The following HMX3 variants were observed in gnomAD, a reference collection of about 807,000 sequenced individuals.
HMX3 encodes the protein H6 family homeobox 3, also known as homeobox protein HMX3.
A neutral mutation model predicts 22.8 loss-of-function variants in HMX3; 8 were observed. The ratio of observed to expected loss-of-function variants is 0.35; its 90% CI spans 0.21 to 0.63. HMX3 has a LOEUF of 0.63. Ranked by LOEUF, HMX3 falls within the 30% of genes least tolerant of loss-of-function variation. HMX3 has a pLI of 0.72. For missense variants in HMX3, 527 were observed against 520.6 expected, an observed-to-expected ratio of 1.01 and a Z score of -0.12; for synonymous variants, 331 against 250.9, an observed-to-expected ratio of 1.32 and a Z score of -3.02.
chr10:123,136,940 C>T lies in HMX3; in HGVS notation c.401-118C>T. The stretch of plus-strand genomic sequence containing the variant: ...GAGGCAGCCCGCGGGAATGGTGAGG[C>T]CTCATGGCCTGGGACCTGGAGGCCG... On this transcript the variant is annotated intron_variant, in intron 1 of 1. Coordinates refer to ENST00000357878, the MANE Select transcript of HMX3 (RefSeq NM_001105574.2). The surrounding 1 kb of genome is among the most constrained non-coding windows in gnomAD (Gnocchi z 4.8). The T allele has an allele frequency of 8.3e-7, 1 of 1,206,000 alleles. No homozygotes were observed. The allele number at this position is 1,206,000 out of a possible 1,614,324, so 74.7% of individuals were successfully genotyped here.
Position 123,138,673 on chromosome 10 carries a change from T to C in HMX3, c.*942T>C, listed in dbSNP as rs750238512. On this transcript the variant is annotated 3_prime_UTR_variant, in exon 2 of 2. Transcript: ENST00000357878. ...TTGCAATTAGCCTCTTCATCGGTCT[T>C]ACTTTGTGATGGAAGAATTCTCTAA... 6.6e-6 allele frequency among the ~76,000 whole-genome samples: 1 copy of C among 152,184 alleles called. No homozygotes were observed. The highest frequency in any genetic ancestry group is 1.5e-5 in the Non-Finnish European group (1 of 68,034).
Position 123,136,293 on chromosome 10 carries a change from G to A in HMX3, c.243G>A (p.Ala81=), listed in dbSNP as rs1044595063. The A allele has an allele frequency of 2.8e-5, 43 of 1,521,516 alleles. No individual in the cohort carries two copies. Among genetic ancestry groups the A allele is most frequent in the Non-Finnish European group, 3.6e-5 (41 of 1,134,572 alleles). 94.3% of individuals were successfully genotyped at this position (1,521,516 alleles called of 1,614,324 possible). A position where few individuals can be genotyped will look rare whatever the true frequency, so the allele number is the denominator to read the frequency against. ...CCAAGGGGGCCCTGGAGGGCGCCGC[G>A]GGCTTCGCGCTCTCGCAGGTGGGCG... ...AAAKGALEGA[A]GFALSQVGDL... The change falls in exon 1 of 2, where the codon GCG becomes GCA. Residue 81 remains alanine, a synonymous_variant. Transcript: ENST00000357878. This position sits in a 1 kb window ranked among gnomAD's most constrained non-coding sequence, Gnocchi z 4.8.
Position 123,135,989 on chromosome 10 carries a change from G to A in HMX3, c.-62G>A. 1 of 1,298,454 alleles carries A rather than the reference G, an allele frequency of 7.7e-7. No individual in the cohort carries two copies. The highest frequency in any genetic ancestry group is 9.8e-7 in the Non-Finnish European group (1 of 1,018,660). 80.4% of individuals were successfully genotyped at this position (1,298,454 alleles called of 1,614,324 possible). A position where few individuals can be genotyped will look rare whatever the true frequency, so the allele number is the denominator to read the frequency against. On this transcript the variant is annotated 5_prime_UTR_variant, in exon 1 of 2. Coordinates refer to ENST00000357878, the MANE Select transcript of HMX3 (RefSeq NM_001105574.2). ...TGGTCTGATTTCCGGCCTCTCGCCT[G>A]CTCGCCCCGCCGCCCGCCTGTCCCG...
rs1295596204 is a variant in HMX3 at position 123,138,163 on chromosome 10, C to CTTTT, written c.*432_*433insTTTT. ...TCTTTTCTGCTTTTTTTTTTTTTTC[C>CTTTT]GAGACGGAATCTTGCTCTATCTATT... is the stretch of plus-strand genomic sequence containing the variant. On this transcript the variant is annotated 3_prime_UTR_variant, in exon 2 of 2. Coordinates refer to ENST00000357878, the MANE Select transcript of HMX3 (RefSeq NM_001105574.2). Among the ~76,000 whole-genome samples, 41 of 37,614 alleles carry CTTTT rather than the reference C, an allele frequency of 1.1e-3. No homozygotes were observed. The highest frequency in any genetic ancestry group is 1.5e-3 in the East Asian group (4 of 2,616). 24.7% of individuals were successfully genotyped at this position (37,614 alleles called of 152,430 possible).
At position 123,137,692 on chromosome 10, in the gene HMX3, C is replaced by T; in HGVS notation, c.1035C>T (p.His345=). 1 of 1,470,816 alleles carries T rather than the reference C, an allele frequency of 6.8e-7. No homozygotes were observed. The highest frequency in any genetic ancestry group is 8.9e-7 in the Non-Finnish European group (1 of 1,118,484). 91.1% of individuals were successfully genotyped at this position (1,470,816 alleles called of 1,614,324 possible). ...TCCCGCACCCCGTCTACTACTCGCA[C>T]CCGGTGGTCTCTTCCGTGCCGCTGC... is the stretch of plus-strand genomic sequence containing the variant. ...LTFPHPVYYS[H]PVVSSVPLLR... Residue 345 remains histidine (H), a synonymous_variant, in exon 2 of 2, where the codon CAC becomes CAT. Coordinates refer to ENST00000357878, the MANE Select transcript of HMX3 (RefSeq NM_001105574.2). This position sits in a 1 kb window ranked among gnomAD's most constrained non-coding sequence, Gnocchi z 5.8.
At position 123,138,340 on chromosome 10, in the gene HMX3, C is replaced by A. The variant is rs894297377; in HGVS notation, c.*609C>A. On this transcript the variant is annotated 3_prime_UTR_variant, in exon 2 of 2. Transcript: ENST00000357878. Reference sequence around the variant, plus strand: ...AATTTTTGTATTTTTAGTAGAGACGCGGTTTCACCATGTTGGCCAGGCTGG... The same window carrying A: ...AATTTTTGTATTTTTAGTAGAGACGAGGTTTCACCATGTTGGCCAGGCTGG... Among the ~76,000 whole-genome samples, 1 of 151,676 alleles carries A rather than the reference C, an allele frequency of 6.6e-6. No individual in the cohort carries two copies. Among genetic ancestry groups the A allele is most frequent in the Non-Finnish European group, 1.5e-5 (1 of 67,882 alleles).
chr10:123,136,580 C>T lies in HMX3; in HGVS notation c.400+130C>T, dbSNP rs568300955. The T allele has an allele frequency of 1.1e-3, 736 of 645,862 alleles. 3 individuals carry two copies. The African/African-American group carries it at 0.013, about 11-fold the overall frequency. The allele number at this position is 645,862 out of a possible 1,614,324, so 40.0% of individuals were successfully genotyped here. A position where few individuals can be genotyped will look rare whatever the true frequency, so the allele number is the denominator to read the frequency against. ...CTCTGCTCGGTCAGTTTTTTTCGGC[C>T]CCTAGCCTGCCCTCGCGCTGGGTTG... On this transcript the variant is annotated intron_variant, in intron 1 of 1. Transcript: ENST00000357878. The surrounding 1 kb of genome is among the most constrained non-coding windows in gnomAD (Gnocchi z 4.8).
rs1397919521 is a variant in HMX3, at chr10:123,137,037, TC to T, written c.401-19del. 1.9e-6 allele frequency: 3 copies of T among 1,586,216 alleles called. No homozygotes were observed. In the African/African-American group the frequency reaches 4.1e-5, roughly 22 times the overall value. On this transcript the variant is annotated intron_variant, in intron 1 of 1. Coordinates refer to ENST00000357878, the MANE Select transcript of HMX3 (RefSeq NM_001105574.2). This position sits in a 1 kb window ranked among gnomAD's most constrained non-coding sequence, Gnocchi z 5.8. ...CTGTGTCGGTGTGCATGTGTGTGCG[TC>T]CGTCTGTCTGTCTCCCCAGCCTCGG...
rs1005978566 is a variant in HMX3 at position 123,138,357 on chromosome 10, C to A, written c.*626C>A. 1.3e-5 allele frequency among the ~76,000 whole-genome samples: 2 copies of A among 152,036 alleles called. No homozygotes were observed. Among genetic ancestry groups the A allele is most frequent in the Non-Finnish European group, 2.9e-5 (2 of 67,990 alleles). ...TAGAGACGCGGTTTCACCATGTTGG[C>A]CAGGCTGGTCTTGAGCTCCTGACCT... is the stretch of plus-strand genomic sequence containing the variant. On this transcript the variant is annotated 3_prime_UTR_variant, in exon 2 of 2. Coordinates refer to ENST00000357878, the MANE Select transcript of HMX3 (RefSeq NM_001105574.2).
chr10:123,136,389 C>T lies in HMX3; in HGVS notation c.339C>T (p.Ser113=). 6.4e-7 allele frequency: 1 copy of T among 1,561,508 alleles called. No individual in the cohort carries two copies. The highest frequency in any genetic ancestry group is 8.7e-7 in the Non-Finnish European group (1 of 1,154,508). The change falls in exon 1 of 2, where the codon TCC becomes TCT. Residue 113 remains serine (S), a synonymous_variant. Coordinates refer to ENST00000357878, the MANE Select transcript of HMX3 (RefSeq NM_001105574.2). This position sits in a 1 kb window ranked among gnomAD's most constrained non-coding sequence, Gnocchi z 4.8. ...TGCCCGCGCACTACCTGGAGCGCTC[C>T]CCAGCCTGGTGGTACCCCTACACCC... The part of the protein sequence containing the change: ...FALPAHYLER[S]PAWWYPYTLT...
Position 123,136,077 on chromosome 10 carries a change from C to A in HMX3, c.27C>A (p.Ala9=). 7.1e-7 allele frequency: 1 copy of A among 1,401,078 alleles called. No individual in the cohort carries two copies. The highest frequency in any genetic ancestry group is 9.3e-7 in the Non-Finnish European group (1 of 1,076,156). The allele number at this position is 1,401,078 out of a possible 1,614,324, so 86.8% of individuals were successfully genotyped here. The change falls in exon 1 of 2, where the codon GCC becomes GCA. Residue 9 remains alanine, a synonymous_variant. Coordinates refer to ENST00000357878, the MANE Select transcript of HMX3 (RefSeq NM_001105574.2). This position sits in a 1 kb window ranked among gnomAD's most constrained non-coding sequence, Gnocchi z 4.8. The part of the protein sequence containing the change: MPEPGPDA[A]GTASAQPQPP... Reference sequence around the variant, plus strand: ...TGCCGGAACCCGGGCCGGACGCTGCCGGCACCGCCAGCGCACAGCCCCAAC... The same window carrying A: ...TGCCGGAACCCGGGCCGGACGCTGCAGGCACCGCCAGCGCACAGCCCCAAC...
rs1844079739 is a variant in HMX3 at position 123,136,692 on chromosome 10, G to A, written c.400+242G>A. Among the ~76,000 whole-genome samples the A allele has an allele frequency of 6.6e-6, 1 of 152,198 alleles. No homozygotes were observed. The highest frequency in any genetic ancestry group is 2.4e-5 in the African/African-American group (1 of 41,452). ...GGTGCTTCCCGGGAAAAGTGGCCTC[G>A]GGCGTGAATAGGGAGGCTTCGGACG... On this transcript the variant is annotated intron_variant, in intron 1 of 1. Transcript: ENST00000357878. The surrounding 1 kb of genome is among the most constrained non-coding windows in gnomAD (Gnocchi z 4.8).
rs1844078142 is a variant in HMX3, at chr10:123,136,575, T to A, written c.400+125T>A. ...AAACCCTCTGCTCGGTCAGTTTTTT[T>A]CGGCCCCTAGCCTGCCCTCGCGCTG... is the stretch of plus-strand genomic sequence containing the variant. On this transcript the variant is annotated intron_variant, in intron 1 of 1. Coordinates refer to ENST00000357878, the MANE Select transcript of HMX3 (RefSeq NM_001105574.2). This position sits in a 1 kb window ranked among gnomAD's most constrained non-coding sequence, Gnocchi z 4.8. The A allele has an allele frequency of 4.0e-6, 3 of 743,244 alleles. No individual in the cohort carries two copies. In the African/African-American group the frequency reaches 5.5e-5, roughly 14 times the overall value. The allele number at this position is 743,244 out of a possible 1,614,324, so 46.0% of individuals were successfully genotyped here.
chr10:123,136,351 C>A lies in HMX3; in HGVS notation c.301C>A (p.Gln101Lys). The change falls in exon 1 of 2, where the codon CAG becomes AAG. Residue 101 changes from glutamine to lysine, a missense_variant. Physicochemically the swap from Gln to Lys is moderately conservative, Grantham distance 53. Transcript: ENST00000357878. The surrounding 1 kb of genome is among the most constrained non-coding windows in gnomAD (Gnocchi z 4.8). The stretch of plus-strand genomic sequence containing the variant: ...TTTCCCTCGCTTTGAGATCCCGGCG[C>A]AGAGGTTTGCCCTGCCCGCGCACTA... ...LAFPRFEIPA[Q>K]RFALPAHYLE... The A allele has an allele frequency of 1.9e-6, 3 of 1,572,370 alleles. No individual in the cohort carries two copies. Among genetic ancestry groups the A allele is most frequent in the South Asian group, 1.2e-5 (1 of 86,810 alleles).
Position 123,136,173 on chromosome 10 carries a change from C to A in HMX3, c.123C>A (p.His41Gln). The change falls in exon 1 of 2, where the codon CAC becomes CAA. Residue 41 changes from histidine (H) to glutamine (Q), a missense_variant. Around this residue, in one of 3 missense-constraint regions of HMX3, gnomAD observed 386 missense variants for 337.8 expected, o/e 1.14. Transcript: ENST00000357878. The surrounding 1 kb of genome is among the most constrained non-coding windows in gnomAD (Gnocchi z 4.8). ...FSIKNLLNGD[H>Q]HRPPPKPQPP... The stretch of plus-strand genomic sequence containing the variant: ...TCAAGAACCTGCTCAACGGAGACCA[C>A]CACCGGCCGCCCCCTAAGCCTCAGC... The A allele has an allele frequency of 6.9e-7, 1 of 1,444,358 alleles. No individual in the cohort carries two copies. 89.5% of individuals were successfully genotyped at this position (1,444,358 alleles called of 1,614,324 possible).
chr10:123,137,281 C>G lies in HMX3; in HGVS notation c.624C>G (p.Gly208=), dbSNP rs957233829. 1.3e-6 allele frequency: 2 copies of G among 1,596,560 alleles called. No homozygotes were observed. Among genetic ancestry groups the G allele is most frequent in the African/African-American group, 2.7e-5 (2 of 74,566 alleles). The part of the protein sequence containing the change: ...ASVGAAAATP[G]AEDWKKGAES... ...TAGGGGCGGCGGCGGCCACTCCGGG[C>G]GCAGAAGACTGGAAGAAGGGCGCTG... Residue 208 remains glycine, a synonymous_variant, in exon 2 of 2, where the codon GGC becomes GGG. Coordinates refer to ENST00000357878, the MANE Select transcript of HMX3 (RefSeq NM_001105574.2). The surrounding 1 kb of genome is among the most constrained non-coding windows in gnomAD (Gnocchi z 5.8).
In HMX3 at chr10:123,137,753, G is replaced by C; in HGVS notation, c.*22G>C. 7 of 1,408,612 alleles carry C rather than the reference G, an allele frequency of 5.0e-6. 1 individual carries two copies. In the South Asian group the frequency reaches 1.1e-4, roughly 22 times the overall value. The allele number at this position is 1,408,612 out of a possible 1,614,324, so 87.3% of individuals were successfully genotyped here. A position where few individuals can be genotyped will look rare whatever the true frequency, so the allele number is the denominator to read the frequency against. ...CTGAGGCCCCAGAGGGGTGGGGGAG[G>C]GAGCGCCCGGCCTCCTTGTCCGGAC... On this transcript the variant is annotated 3_prime_UTR_variant, in exon 2 of 2. Coordinates refer to ENST00000357878, the MANE Select transcript of HMX3 (RefSeq NM_001105574.2). This position sits in a 1 kb window ranked among gnomAD's most constrained non-coding sequence, Gnocchi z 5.8.
At position 123,137,692 on chromosome 10, in the gene HMX3, C is replaced by G. The variant is rs1844093908; in HGVS notation, c.1035C>G (p.His345Gln). The change falls in exon 2 of 2, where the codon CAC becomes CAG. Residue 345 changes from histidine to glutamine, a missense_variant. Transcript: ENST00000357878. This position sits in a 1 kb window ranked among gnomAD's most constrained non-coding sequence, Gnocchi z 5.8. Reference sequence around the variant, plus strand: ...TCCCGCACCCCGTCTACTACTCGCACCCGGTGGTCTCTTCCGTGCCGCTGC... The same window carrying G: ...TCCCGCACCCCGTCTACTACTCGCAGCCGGTGGTCTCTTCCGTGCCGCTGC... ...LTFPHPVYYS[H>Q]PVVSSVPLLR... 1 of 1,470,698 alleles carries G rather than the reference C, an allele frequency of 6.8e-7. No homozygotes were observed. The highest frequency in any genetic ancestry group is 8.9e-7 in the Non-Finnish European group (1 of 1,118,492). 91.1% of individuals were successfully genotyped at this position (1,470,698 alleles called of 1,614,324 possible).
Position 123,136,531 on chromosome 10 carries a change from C to A in HMX3, c.400+81C>A. 8.7e-7 allele frequency: 1 copy of A among 1,155,616 alleles called. No homozygotes were observed. Among genetic ancestry groups the A allele is most frequent in the Non-Finnish European group, 1.1e-6 (1 of 888,624 alleles). The allele number at this position is 1,155,616 out of a possible 1,614,324, so 71.6% of individuals were successfully genotyped here. On this transcript the variant is annotated intron_variant, in intron 1 of 1. Transcript: ENST00000357878. The surrounding 1 kb of genome is among the most constrained non-coding windows in gnomAD (Gnocchi z 4.8). Reference sequence around the variant, plus strand: ...CCCCGCGCTGCTTCCCTCCGCAGTTCTGGGACCCCAGCACCCGCAAACCCT... The same window carrying A: ...CCCCGCGCTGCTTCCCTCCGCAGTTATGGGACCCCAGCACCCGCAAACCCT...
Sources: gnomAD v4.1 joint callset for allele counts (sites outside exome capture counted in the v4.1 genomes callset) on GRCh38, gnomAD v4.1.1 for gene constraint, gnomAD v4.1.1 regional missense constraint, Gnocchi (gnomAD v3.1) non-coding constraint, MANE v1.5 for transcripts, NCBI Gene and HGNC (gene_info 2026-07-23, HGNC 2026-07-21) for gene names.